Variants in SPDL1 observed in about 807,000 individuals in gnomAD.
SPDL1 encodes the protein protein Spindly.
SPDL1 carries 85 observed loss-of-function variants against 79.5 expected under a neutral mutation model. The observed-to-expected ratio is 1.07, with a 90% confidence interval of 0.90 to 1.28. The LOEUF (loss-of-function observed/expected upper bound fraction) is 1.28. Ranked by LOEUF, SPDL1 falls within the 50% of genes most tolerant of loss-of-function variation. SPDL1 has a pLI of 0.00. For missense variants in SPDL1, 703 were observed against 697.8 expected (o/e 1.01, Z -0.08); for synonymous variants, 269 against 240.3 (o/e 1.12, Z -1.10).
chr5:169,592,108 G>T (rs1755317317), intron 3 of SPDL1, among the ~76,000 whole-genome samples: 1 of 150,670 alleles, frequency 6.6e-6, no homozygotes, highest in African/African-American at 2.4e-5. Flanking sequence ...CAGCCTCTAA[G>T]ATTTTTCTTT....
intron 6 of SPDL1, 30 bp downstream of exon 6, chr5:169,594,522 G>A: frequency 1.2e-6 from 2 of 1,610,712 alleles, no homozygotes; most frequent in Non-Finnish European, 1.7e-6. Context: ...CTACTAAATT[G>A]GTATTTTCAT....
Position 169,598,968 on chromosome 5 carries a change from A to C in SPDL1, c.1137-4A>C, listed in dbSNP as rs1755740797. ...TCGTTGGTTCTCCTTTTTTATTATC[A>C]TAGCAAAGAAATTGAAAGCACTAAA... On this transcript the variant is annotated splice_polypyrimidine_tract_variant and splice_region_variant and intron_variant, in intron 9 of 11. Transcript: ENST00000265295. 1 of 1,525,804 alleles carries C rather than the reference A, an allele frequency of 6.6e-7. No individual in the cohort carries two copies. Among genetic ancestry groups the C allele is most frequent in the Admixed American group, 2.2e-5 (1 of 45,790 alleles). The allele number at this position is 1,525,804 out of a possible 1,614,324, so 94.5% of individuals were successfully genotyped here.
chr5:169,586,744 G>A (rs946878907), intron 1 of SPDL1, among the ~76,000 whole-genome samples: 1 of 152,084 alleles, frequency 6.6e-6, no homozygotes, highest in African/African-American at 2.4e-5. Context: ...TCAAAATCTG[G>A]CCATTTCTCA....
At chr5:169,589,505 G>T (rs1286312439) in intron 2 of SPDL1, among the ~76,000 whole-genome samples, 1 of 150,986 alleles carries the variant, frequency 6.6e-6, no homozygotes, top group Non-Finnish European at 1.5e-5. Context: ...AAACTGCTTT[G>T]CCTTGTTCTT....
At chr5:169,591,970 T>C (rs115051889) in intron 3 of SPDL1, among the ~76,000 whole-genome samples, 1,526 of 152,280 alleles carry the variant, frequency 0.01, 26 homozygotes, top group African/African-American at 0.035. Flanking sequence ...ATCCAGAACT[T>C]TTTATCATGG....
At position 169,604,285 on chromosome 5, in the gene SPDL1, T is replaced by C. The variant is rs1756078842; in HGVS notation, c.*78T>C. The C allele has an allele frequency of 1.5e-6, 2 of 1,323,228 alleles. No individual in the cohort carries two copies. Among genetic ancestry groups the C allele is most frequent in the Non-Finnish European group, 2.0e-6 (2 of 988,942 alleles). The allele number at this position is 1,323,228 out of a possible 1,614,324, so 82.0% of individuals were successfully genotyped here. ...TGCTTAAGATTGTCTTGATCTGACA[T>C]ATATCACCTTCTGGGTTATTTACTC... On this transcript the variant is annotated 3_prime_UTR_variant, in exon 12 of 12. Transcript: ENST00000265295.
rs750717269 is a variant in SPDL1, at chr5:169,604,202, C to A, written c.1813C>A (p.Gln605Lys). The A allele has an allele frequency of 1.3e-6, 2 of 1,581,306 alleles. No homozygotes were observed. Reference protein sequence around the residue: ...KSTPETQCPQQ With the variant: ...KSTPETQCPQK ...TACTCCAGAGACCCAGTGCCCTCAA[C>A]AGTAAAGACTTGTCTTTAATAAGAG... Residue 605 changes from glutamine (Q) to lysine (K), a missense_variant, in exon 12 of 12, where the codon CAG (glutamine) becomes AAG (lysine). Gln to Lys is a moderately conservative substitution (Grantham distance 53). Coordinates refer to ENST00000265295, the MANE Select transcript of SPDL1 (RefSeq NM_017785.5).
chr5:169,588,741 T>G, intron 2 of SPDL1, 166 bp downstream of exon 2: 1 of 531,122 alleles, frequency 1.9e-6, no homozygotes, highest in Non-Finnish European at 3.2e-6. Context: ...TGAATTCCTG[T>G]TATTCTTTCC....
intron 10 of SPDL1, 132 bp from the exon 11 acceptor site, chr5:169,601,148 A>G (rs1755852614): frequency 2.8e-6 from 2 of 703,250 alleles, no homozygotes; most frequent in Non-Finnish European, 2.4e-6. Context: ...CAAAGGATGC[A>G]TTTCAGTGAG....
chr5:169,599,531 T>G (rs1755775312), intron 10 of SPDL1, among the ~76,000 whole-genome samples: 3 of 152,210 alleles, frequency 2.0e-5, no homozygotes, highest in Admixed American at 6.5e-5. Flanking sequence ...ATAGAAAATC[T>G]AAAGTAATGG....
chr5:169,588,462 G>C lies in SPDL1; in HGVS notation c.46G>C (p.Ala16Pro). 6.2e-7 allele frequency: 1 copy of C among 1,613,640 alleles called. No homozygotes were observed. Among genetic ancestry groups the C allele is most frequent in the Non-Finnish European group, 8.5e-7 (1 of 1,179,830 alleles). The change falls in exon 2 of 12, where the codon GCT becomes CCT. Residue 16 changes from alanine to proline, a missense_variant. Ala to Pro is a conservative substitution (Grantham distance 27). Coordinates refer to ENST00000265295, the MANE Select transcript of SPDL1 (RefSeq NM_017785.5). ...ITNLRCRLKE[A>P]EEERLKAAQY... ...AAATCTTCGATGCAGGCTCAAAGAGGCTGAAGAAGAGCGACTAAAAGCTGC... is the reference window on the plus strand; with the variant it reads ...AAATCTTCGATGCAGGCTCAAAGAGCCTGAAGAAGAGCGACTAAAAGCTGC...
Position 169,591,045 on chromosome 5 carries a change from CAG to C in SPDL1, c.160_161del. ...ATTGAATTGTAATTGAATCTGTTTT[CAG>C]AGTTATGAACAAGAAAAATATACCC... On this transcript the variant is annotated splice_acceptor_variant, in intron 2 of 11. Coordinates refer to ENST00000265295, the MANE Select transcript of SPDL1 (RefSeq NM_017785.5). LOFTEE classifies it high-confidence loss of function. 1 of 1,607,362 alleles carries C rather than the reference CAG, an allele frequency of 6.2e-7. No individual in the cohort carries two copies. Among genetic ancestry groups the C allele is most frequent in the Non-Finnish European group, 8.5e-7 (1 of 1,176,976 alleles).
chr5:169,598,719 A>G, intron 9 of SPDL1, 140 bp downstream of exon 9: 1 of 940,286 alleles, frequency 1.1e-6, no homozygotes, highest in East Asian at 2.4e-5. Context: ...TTGTGCAGAT[A>G]TTCATGTGTG....
At chr5:169,588,005 T>C (rs2113322977) in intron 1 of SPDL1, among the ~76,000 whole-genome samples, 1 of 152,326 alleles carries the variant, frequency 6.6e-6, no homozygotes, top group East Asian at 1.9e-4. Flanking sequence ...CCATACCTGC[T>C]ACTATGAGGT....
chr5:169,594,541 A>G (rs1224992062), intron 6 of SPDL1, 30 bp from the exon 7 acceptor site: 3 of 1,611,336 alleles, frequency 1.9e-6, no homozygotes, highest in Non-Finnish European at 2.5e-6. Flanking sequence ...ATTTACTACC[A>G]GAACAATTAA....
At chr5:169,594,814 CAA>C in intron 7 of SPDL1, 133 bp downstream of exon 7, 1 of 529,176 alleles carries the variant, frequency 1.9e-6, no homozygotes. Context: ...TGCATGATTT[CAA>C]AAAATCAATT....
At chr5:169,599,813 G>A (rs573648389) in intron 10 of SPDL1, among the ~76,000 whole-genome samples, 37 of 152,230 alleles carry the variant, frequency 2.4e-4, no homozygotes, top group Middle Eastern at 3.4e-3. Context: ...GTGGTGGCTC[G>A]TGCCTGTAAT....
At chr5:169,598,339 G>A in intron 8 of SPDL1, 137 bp from the exon 9 acceptor site, 1 of 578,564 alleles carries the variant, frequency 1.7e-6, no homozygotes, top group Middle Eastern at 4.5e-4. Context: ...TCAGAAGGCA[G>A]ATAAATTAAA....
Position 169,594,447 on chromosome 5 carries a change from G to T in SPDL1, c.735G>T (p.Gln245His). 1 of 1,614,108 alleles carries T rather than the reference G, an allele frequency of 6.2e-7. No homozygotes were observed. Among genetic ancestry groups the T allele is most frequent in the Non-Finnish European group, 8.5e-7 (1 of 1,179,980 alleles). The change falls in exon 6 of 12, where the codon CAG (glutamine) becomes CAT (histidine). Residue 245 changes from glutamine (Q) to histidine (H), a missense_variant. By Grantham distance (24) the Gln-to-His change is conservative (BLOSUM62 0). Transcript: ENST00000265295. ...DLQVQLDQALQQALDPNSKGN... is the reference protein window; with the variant it reads ...DLQVQLDQALHQALDPNSKGN... The stretch of plus-strand genomic sequence containing the variant: ...AGGTACAGTTGGACCAGGCACTCCA[G>T]CAAGCCTTGGATCCCAATAGTAAAG...
Sources: gnomAD v4.1 joint callset for allele counts (sites outside exome capture counted in the v4.1 genomes callset) on GRCh38, gnomAD v4.1.1 for gene constraint, MANE v1.5 for transcripts, NCBI Gene and HGNC (gene_info 2026-07-23, HGNC 2026-07-21) for gene names.